Variants in TIMM8B observed in about 807,000 individuals in gnomAD.
The protein encoded by TIMM8B is translocase of inner mitochondrial membrane 8 homolog B, also known as mitochondrial import inner membrane translocase subunit Tim8 B.
In TIMM8B, 5 loss-of-function variants were observed where a neutral mutation model predicts 8.5. The ratio of observed to expected loss-of-function variants is 0.59; its 90% CI spans 0.31 to 1.24. The LOEUF (loss-of-function observed/expected upper bound fraction) is 1.24. TIMM8B is among the 50% of genes most tolerant of loss of function. The pLI is 0.07. For synonymous variants in TIMM8B, 44 were observed against 39.9 expected (o/e 1.10, Z -0.39); for missense variants, 104 against 109.2 (o/e 0.95, Z 0.21).
In TIMM8B at chr11:112,086,716, T is replaced by A. The variant is rs1415913222; in HGVS notation, c.8A>T (p.Glu3Val). The A allele has an allele frequency of 2.5e-6, 4 of 1,602,388 alleles. No individual in the cohort carries two copies. In the Admixed American group the frequency reaches 6.8e-5, roughly 27 times the overall value. MA[E>V]LGEADEAELQ... ...CTCCGCTTCATCGGCTTCGCCCAGC[T>A]CCGCCATTGTTCGCCTCAGGCTCGC... is the stretch of plus-strand genomic sequence containing the variant. Residue 3 changes from glutamate (E) to valine (V), a missense_variant, in exon 1 of 2, where the codon GAG becomes GTG. Glu to Val is a moderately radical substitution (Grantham distance 121). Transcript: ENST00000504148.
chr11:112,085,599 T>G lies in TIMM8B; in HGVS notation c.85-137A>C, dbSNP rs1161806322. 8.9e-6 allele frequency: 6 copies of G among 676,768 alleles called. No homozygotes were observed. In the African/African-American group the frequency reaches 1.1e-4, roughly 12 times the overall value. The allele number at this position is 676,768 out of a possible 1,614,324, so 41.9% of individuals were successfully genotyped here. ...GAGTCACTTTGGGCTCTTCTCTTTCTTCATTTCCTAATTAGTCACCAATAT... is the reference window on the plus strand; with the variant it reads ...GAGTCACTTTGGGCTCTTCTCTTTCGTCATTTCCTAATTAGTCACCAATAT... On this transcript the variant is annotated intron_variant, in intron 1 of 1. Coordinates refer to ENST00000504148, the MANE Select transcript of TIMM8B (RefSeq NM_012459.4).
rs367779813 is a variant in TIMM8B at position 112,086,731 on chromosome 11, C to G, written c.-8G>C. The G allele has an allele frequency of 1.1e-4, 182 of 1,601,870 alleles. No homozygotes were observed. The Middle Eastern group carries it at 3.5e-3, about 31-fold the overall frequency. The stretch of plus-strand genomic sequence containing the variant: ...TTCGCCCAGCTCCGCCATTGTTCGC[C>G]TCAGGCTCGCCACCTTCCGACAGCT... On this transcript the variant is annotated 5_prime_UTR_variant, in exon 1 of 2. Coordinates refer to ENST00000504148, the MANE Select transcript of TIMM8B (RefSeq NM_012459.4).
Position 112,086,647 on chromosome 11 carries a change from G to C in TIMM8B, c.77C>G (p.Thr26Ser), listed in dbSNP as rs757325354. The C allele has an allele frequency of 6.3e-7, 1 of 1,598,648 alleles. No individual in the cohort carries two copies. The change falls in exon 1 of 2, where the codon ACT becomes AGT. Residue 26 changes from threonine (T) to serine (S), a missense_variant. Transcript: ENST00000504148. ...CCCTCCCCGTCCCCGCACCTGTGCA[G>C]TAAACTGCGCCTTCTGCTGCTCGGC... Reference protein sequence around the residue: ...VAAEQQKAQFTAQVHHFMELC... With the variant: ...VAAEQQKAQFSAQVHHFMELC...
Position 112,085,119 on chromosome 11 carries a change from G to T in TIMM8B, c.*176C>A. The T allele has an allele frequency of 2.1e-6, 1 of 479,240 alleles. No homozygotes were observed. Among genetic ancestry groups the T allele is most frequent in the Non-Finnish European group, 3.6e-6 (1 of 277,418 alleles). 29.7% of individuals were successfully genotyped at this position (479,240 alleles called of 1,614,324 possible). A position where few individuals can be genotyped will look rare whatever the true frequency, so the allele number is the denominator to read the frequency against. ...TGATGTCATACAACCTGGAATTTCT[G>T]AATTCCAAATAAATAAATTTCACTC... On this transcript the variant is annotated 3_prime_UTR_variant, in exon 2 of 2. Transcript: ENST00000504148.
chr11:112,085,089 GTAAC>G lies in TIMM8B; in HGVS notation c.*202_*205del. 2 of 437,526 alleles carry G rather than the reference GTAAC, an allele frequency of 4.6e-6. No homozygotes were observed. The highest frequency in any genetic ancestry group is 8.1e-6 in the Non-Finnish European group (2 of 245,636). The allele number at this position is 437,526 out of a possible 1,614,324, so 27.1% of individuals were successfully genotyped here. A position where few individuals can be genotyped will look rare whatever the true frequency, so the allele number is the denominator to read the frequency against. ...GAGTTGGAGAATTCACACTTATTGA[GTAAC>G]TGATGTCATACAACCTGGAATTTCT... On this transcript the variant is annotated 3_prime_UTR_variant, in exon 2 of 2. Coordinates refer to ENST00000504148, the MANE Select transcript of TIMM8B (RefSeq NM_012459.4).
intron 1 of TIMM8B, chr11:112,086,066 T>C (rs1865590091): frequency 4.2e-6 from 5 of 1,186,562 alleles, no homozygotes; most frequent in African/African-American, 3.2e-5. Context: ...GGCGTGATTA[T>C]GTAGTCCAAG....
intron 1 of TIMM8B, chr11:112,086,193 T>C: frequency 1.8e-6 from 1 of 543,716 alleles, no homozygotes; most frequent in Non-Finnish European, 3.3e-6. Flanking sequence ...CCTCCGATAA[T>C]GTTCTAGTCG....
intron 1 of TIMM8B, 37 bp downstream of exon 1, chr11:112,086,603 G>A (rs1419342040): frequency 1.2e-5 from 18 of 1,539,824 alleles, no homozygotes; most frequent in Non-Finnish European, 1.5e-5. Context: ...CAAGGAAGGT[G>A]AAACTTCCTT....
chr11:112,086,129 C>T, intron 1 of TIMM8B: 1 of 1,035,308 alleles, frequency 9.7e-7, no homozygotes, highest in South Asian at 1.4e-5. Context: ...CCGAAGGGCT[C>T]CAAACCCTTG....
In TIMM8B at chr11:112,086,016, A is replaced by G; in HGVS notation, c.85-554T>C. On this transcript the variant is annotated intron_variant, in intron 1 of 1. Transcript: ENST00000504148. ...GGGTACTAAGAAATCAGTTCTCTCT[A>G]AGGTCCTCAAGGATAGCTGTCATCA... 6.1e-6 allele frequency: 7 copies of G among 1,155,240 alleles called. No homozygotes were observed. In the South Asian group the frequency reaches 1.3e-4, roughly 21 times the overall value. The allele number at this position is 1,155,240 out of a possible 1,614,324, so 71.6% of individuals were successfully genotyped here.
intron 1 of TIMM8B, chr11:112,085,968 A>G: frequency 9.2e-7 from 1 of 1,082,942 alleles, no homozygotes; most frequent in Non-Finnish European, 1.1e-6. Context: ...CCATTTTACC[A>G]AGAGCTTACT....
chr11:112,085,922 C>T (rs531217049), intron 1 of TIMM8B: 2 of 841,342 alleles, frequency 2.4e-6, no homozygotes, highest in Non-Finnish European at 1.5e-6. Context: ...TGCTGGTCAT[C>T]CGAGCACCCT....
rs1865561126 is a variant in TIMM8B at position 112,085,116 on chromosome 11, T to G, written c.*179A>C. The G allele has an allele frequency of 6.3e-6, 3 of 476,216 alleles. No individual in the cohort carries two copies. The East Asian group carries it at 9.3e-5, about 15-fold the overall frequency. The allele number at this position is 476,216 out of a possible 1,614,324, so 29.5% of individuals were successfully genotyped here. A position where few individuals can be genotyped will look rare whatever the true frequency, so the allele number is the denominator to read the frequency against. On this transcript the variant is annotated 3_prime_UTR_variant, in exon 2 of 2. Coordinates refer to ENST00000504148, the MANE Select transcript of TIMM8B (RefSeq NM_012459.4). ...AACTGATGTCATACAACCTGGAATT[T>G]CTGAATTCCAAATAAATAAATTTCA...
rs1232186599 is a variant in TIMM8B, at chr11:112,086,728, C to T, written c.-5G>A. ...GGCTTCGCCCAGCTCCGCCATTGTT[C>T]GCCTCAGGCTCGCCACCTTCCGACA... is the stretch of plus-strand genomic sequence containing the variant. On this transcript the variant is annotated 5_prime_UTR_variant, in exon 1 of 2. Transcript: ENST00000504148. 3.7e-6 allele frequency: 6 copies of T among 1,601,952 alleles called. No individual in the cohort carries two copies. In the South Asian group the frequency reaches 4.5e-5, roughly 12 times the overall value.
In TIMM8B at chr11:112,086,735, G is replaced by C. The variant is rs1214210312; in HGVS notation, c.-12C>G. On this transcript the variant is annotated 5_prime_UTR_variant, in exon 1 of 2. Transcript: ENST00000504148. ...CCCAGCTCCGCCATTGTTCGCCTCA[G>C]GCTCGCCACCTTCCGACAGCTGTGT... 2.5e-6 allele frequency: 4 copies of C among 1,601,930 alleles called. No homozygotes were observed. In the South Asian group the frequency reaches 3.3e-5, roughly 13 times the overall value.
intron 1 of TIMM8B, chr11:112,086,101 G>A (rs1259860475): frequency 8.4e-7 from 1 of 1,196,636 alleles, no homozygotes; most frequent in Admixed American, 3.1e-5. Flanking sequence ...AAGAAGTCAG[G>A]CCGCGTTAGA....
chr11:112,086,573 C>G (rs1280361787), intron 1 of TIMM8B, 67 bp downstream of exon 1: 1 of 1,494,564 alleles, frequency 6.7e-7, no homozygotes, highest in Non-Finnish European at 8.9e-7. Flanking sequence ...GTACAGACCT[C>G]CGAGCGTGCC....
chr11:112,085,501 G>A (rs2135261567), intron 1 of TIMM8B, 39 bp from the exon 2 acceptor site: 1 of 1,560,346 alleles, frequency 6.4e-7, no homozygotes, highest in Non-Finnish European at 8.7e-7. Context: ...GGGGTCTGCA[G>A]ATAGGCCTAA....
chr11:112,085,521 A>G, intron 1 of TIMM8B, 59 bp from the exon 2 acceptor site: 1 of 1,429,438 alleles, frequency 7.0e-7, no homozygotes, highest in Non-Finnish European at 9.5e-7. Flanking sequence ...ACTCTTGTTT[A>G]TTAACTTCTC....
Sources: allele counts gnomAD v4.1 joint callset, GRCh38; gene constraint gnomAD v4.1.1; transcripts MANE v1.5; gene names NCBI Gene and HGNC (gene_info 2026-07-23, HGNC 2026-07-21).